Variants in WDR27 observed in about 807,000 individuals in gnomAD.
WDR27 encodes the protein WD repeat-containing protein 27.
Under a neutral mutation model 114.4 loss-of-function variants are expected in WDR27, and 100 were observed. The observed-to-expected ratio is 0.87, with a 90% CI of 0.74 to 1.03. The LOEUF is 1.03. WDR27 is among the 50% of genes least tolerant of loss of function. WDR27 has a pLI of 0.00. For missense variants in WDR27, 1,129 were observed against 1,092.9 expected (o/e 1.03, Z -0.47); for synonymous variants, 449 against 423.1 (o/e 1.06, Z -0.75).
chr6:169,464,289 C>G (rs1210230368), intron 25 of WDR27, among the ~76,000 whole-genome samples: 1 of 152,138 alleles, frequency 6.6e-6, no homozygotes, highest in Non-Finnish European at 1.5e-5. Flanking sequence ...GGAGAAAAGA[C>G]AACCTTTACA....
chr6:169,550,865 G>A lies in WDR27; in HGVS notation c.2645+21554C>T, dbSNP rs540094509. ...CAAGTAGCTGAGACCACAGGCATGC[G>A]CCACCACGCCTGGTTAACTTTTGTA... On this transcript the variant is annotated intron_variant, in intron 25 of 25. Transcript: ENST00000448612. Among the ~76,000 whole-genome samples, 48 of 152,190 alleles carry A rather than the reference G, an allele frequency of 3.2e-4. No homozygotes were observed. The South Asian group carries it at 8.8e-3, about 28-fold the overall frequency.
At chr6:169,489,765 C>T (rs572977081) in intron 25 of WDR27, among the ~76,000 whole-genome samples, 6 of 152,316 alleles carry the variant, frequency 3.9e-5, no homozygotes, top group Admixed American at 2.6e-4. Flanking sequence ...CAATGTGTGG[C>T]CAAGGCTCAG....
intron 23 of WDR27, among the ~76,000 whole-genome samples, chr6:169,594,066 T>A (rs569021247): frequency 1.3e-5 from 2 of 152,326 alleles, no homozygotes; most frequent in African/African-American, 4.8e-5. Context: ...GATATAGGTA[T>A]TTGGTGCTAT....
intron 14 of WDR27, among the ~76,000 whole-genome samples, chr6:169,650,280 C>T: frequency 1.4e-5 from 2 of 144,590 alleles, no homozygotes; most frequent in East Asian, 4.4e-4. Context: ...TACCCACCCA[C>T]TCATCCATCC....
At chr6:169,512,532 G>A (rs1437454633) in intron 25 of WDR27, among the ~76,000 whole-genome samples, 3 of 152,152 alleles carry the variant, frequency 2.0e-5, no homozygotes, top group Non-Finnish European at 4.4e-5. Flanking sequence ...TACTCTAGAG[G>A]AGTCTAAGAT....
chr6:169,621,421 C>T (rs377165436), intron 21 of WDR27, among the ~76,000 whole-genome samples: 35 of 152,082 alleles, frequency 2.3e-4, no homozygotes, highest in African/African-American at 6.5e-4. Context: ...CATACACACA[C>T]GCGCATTCAC....
chr6:169,548,605 AGAG>A (rs952892043), intron 25 of WDR27, among the ~76,000 whole-genome samples: 2 of 152,222 alleles, frequency 1.3e-5, no homozygotes, highest in Non-Finnish European at 2.9e-5. Flanking sequence ...CAGTATTGAA[AGAG>A]AAGAACAAAG....
chr6:169,553,115 G>A (rs1798418584), intron 25 of WDR27, among the ~76,000 whole-genome samples: 1 of 148,242 alleles, frequency 6.7e-6, no homozygotes, highest in African/African-American at 2.4e-5. Context: ...GGTGGGGAGG[G>A]CCTGGGCGGG....
At chr6:169,670,282 A>T (rs948881716) in intron 4 of WDR27, 1 of 253,388 alleles carries the variant, frequency 3.9e-6, no homozygotes, top group African/African-American at 2.2e-5. Context: ...ACAATCAGGG[A>T]ATATCTGAGA....
Position 169,665,524 on chromosome 6 carries a change from C to T in WDR27, c.745G>A (p.Glu249Lys), listed in dbSNP as rs559036786. Reference protein sequence around the residue: ...YPLLSLFIDAESRQLVTGCAD... With the variant: ...YPLLSLFIDAKSRQLVTGCAD... Reference sequence around the variant, plus strand: ...CACCCGGTGACCAGCTGCCTGCTTTCTGCATCAATGAATAAACTGAGAAGA... The same window carrying T: ...CACCCGGTGACCAGCTGCCTGCTTTTTGCATCAATGAATAAACTGAGAAGA... Residue 249 changes from glutamate to lysine, a missense_variant, in exon 7 of 26, where the codon GAA becomes AAA. Coordinates refer to ENST00000448612, the MANE Select transcript of WDR27 (RefSeq NM_182552.5). 51 of 1,613,800 alleles carry T rather than the reference C, an allele frequency of 3.2e-5. No homozygotes were observed. In the South Asian group the frequency reaches 5.1e-4, roughly 16 times the overall value.
At position 169,536,491 on chromosome 6, in the gene WDR27, G is replaced by A. The variant is rs140403068; in HGVS notation, c.2645+35928C>T. The stretch of plus-strand genomic sequence containing the variant: ...GATGTCTGAATCTCCCACTTAAAGT[G>A]CAGAACTAATGAAACTGGTCTTATT... On this transcript the variant is annotated intron_variant, in intron 25 of 25. Transcript: ENST00000448612. Among the ~76,000 whole-genome samples the A allele has an allele frequency of 7.3e-3, 1,109 of 152,240 alleles. 20 individuals carry two copies. The highest frequency in any genetic ancestry group is 0.024 in the African/African-American group (1,010 of 41,536).
At chr6:169,539,678 G>A (rs80114444) in intron 25 of WDR27, among the ~76,000 whole-genome samples, 3,132 of 152,248 alleles carry the variant, frequency 0.021, 69 homozygotes, top group East Asian at 0.082. Context: ...GATGCTGGGT[G>A]CTGTTCCTGA....
intron 23 of WDR27, among the ~76,000 whole-genome samples, chr6:169,584,206 A>C (rs987669542): frequency 1.3e-5 from 2 of 152,254 alleles, no homozygotes; most frequent in Non-Finnish European, 2.9e-5. Context: ...TTCACTTAAC[A>C]TAATGTCCTC....
chr6:169,551,191 C>T (rs2128103082), intron 25 of WDR27, among the ~76,000 whole-genome samples: 1 of 152,268 alleles, frequency 6.6e-6, no homozygotes, highest in South Asian at 2.1e-4. Flanking sequence ...ACAAATCATA[C>T]TTCAGTTGGA....
At chr6:169,599,494 T>C (rs547773499) in intron 23 of WDR27, among the ~76,000 whole-genome samples, 1 of 152,230 alleles carries the variant, frequency 6.6e-6, no homozygotes, top group East Asian at 1.9e-4. Flanking sequence ...CTTGGGAGAG[T>C]GTACGTGTCG....
chr6:169,587,820 T>G (rs978680044), intron 23 of WDR27, among the ~76,000 whole-genome samples: 1 of 152,388 alleles, frequency 6.6e-6, no homozygotes, highest in African/African-American at 2.4e-5. Flanking sequence ...GCTGCAGCCA[T>G]GTCTCCATGA....
At chr6:169,435,069 G>C in the WDR27 span, among the ~76,000 whole-genome samples, 15 of 152,334 alleles carry the variant, frequency 9.8e-5, no homozygotes, top group Non-Finnish European at 1.5e-5. Flanking sequence ...GGCTAAAAGG[G>C]TCCAAGGCAT....
intron 23 of WDR27, among the ~76,000 whole-genome samples, chr6:169,601,777 G>A (rs892024877): frequency 1.3e-5 from 2 of 152,224 alleles, no homozygotes; most frequent in Non-Finnish European, 2.9e-5. Flanking sequence ...AATCCACCAT[G>A]AGGCGCATGC....
At chr6:169,638,442 T>C in intron 18 of WDR27, 97 bp downstream of exon 18, 2 of 1,485,208 alleles carry the variant, frequency 1.3e-6, no homozygotes, top group Non-Finnish European at 1.8e-6. Context: ...CTTACGTCCC[T>C]TTCCTCATCT....
Sources: allele counts gnomAD v4.1 joint callset (sites outside exome capture counted in the v4.1 genomes callset), GRCh38; gene constraint gnomAD v4.1.1; transcripts MANE v1.5; gene names NCBI Gene and HGNC (gene_info 2026-07-23, HGNC 2026-07-21).